MAN1A1: variants seen among roughly 807,000 people sequenced by gnomAD.
MAN1A1 encodes mannosyl-oligosaccharide 1,2-alpha-mannosidase IA.
Under a neutral mutation model 70.8 loss-of-function variants are expected in MAN1A1, and 29 were observed. The observed-to-expected ratio is 0.41, with a 90% CI of 0.31 to 0.56. The LOEUF is 0.56. Among genes scored for constraint, MAN1A1 ranks in the 20% least tolerant of loss-of-function variants. MAN1A1 has a pLI of 0.29. For synonymous variants in MAN1A1, 349 were observed against 330.1 expected, an observed-to-expected ratio of 1.06 and a Z score of -0.62; for missense variants, 747 against 841.3, an observed-to-expected ratio of 0.89 and a Z score of 1.39.
At chr6:119,290,869 C>T in intron 4 of MAN1A1, 106 bp from the exon 5 acceptor site, 1 of 706,038 alleles carries the variant, frequency 1.4e-6, no homozygotes, top group Non-Finnish European at 2.4e-6. Context: ...CTTATGCTTG[C>T]CCAGAGAAGT....
chr6:119,268,935 C>A (rs1775835865), intron 5 of MAN1A1, among the ~76,000 whole-genome samples: 1 of 152,052 alleles, frequency 6.6e-6, no homozygotes, highest in Non-Finnish European at 1.5e-5. Flanking sequence ...ACAAACTACG[C>A]CTGAACAATT....
rs1375106539 is a variant in MAN1A1, at chr6:119,178,034, AG to A, written c.*1784del. 1 of 152,106 alleles carries A rather than the reference AG, an allele frequency of 6.6e-6. No homozygotes were observed. Among genetic ancestry groups the A allele is most frequent in the African/African-American group, 2.4e-5 (1 of 41,456 alleles). 9.4% of individuals were successfully genotyped at this position (152,106 alleles called of 1,614,324 possible). A position where few individuals can be genotyped will look rare whatever the true frequency, so the allele number is the denominator to read the frequency against. The stretch of plus-strand genomic sequence containing the variant: ...TAGGTGAACTGAAGATATGAGTGGG[AG>A]AAGTTATTCTGGATCACAGACACAC... On this transcript the variant is annotated 3_prime_UTR_variant, in exon 13 of 13. Coordinates refer to ENST00000368468, the MANE Select transcript of MAN1A1 (RefSeq NM_005907.4).
chr6:119,188,411 G>C lies in MAN1A1; in HGVS notation c.1713C>G (p.Ala571=). The change falls in exon 11 of 13, where the codon GCC becomes GCG. Residue 571 remains alanine, a synonymous_variant. Transcript: ENST00000368468. ...ATGCAAATTAAAACATCACCTCTAC[G>C]GCTTCCCAGGCCCATTTCCTGTACT... is the stretch of plus-strand genomic sequence containing the variant. ...DPKYRKWAWE[A]VEALENHCRV... 1 of 1,603,654 alleles carries C rather than the reference G, an allele frequency of 6.2e-7. No individual in the cohort carries two copies. Among genetic ancestry groups the C allele is most frequent in the East Asian group, 2.2e-5 (1 of 44,706 alleles).
chr6:119,302,948 C>T (rs768965609), intron 3 of MAN1A1, among the ~76,000 whole-genome samples: 1 of 152,148 alleles, frequency 6.6e-6, no homozygotes, highest in Non-Finnish European at 1.5e-5. Flanking sequence ...GACATGGAGA[C>T]TTCCTGTTGC....
chr6:119,315,812 T>C (rs778648236), intron 2 of MAN1A1, among the ~76,000 whole-genome samples: 3 of 152,210 alleles, frequency 2.0e-5, no homozygotes, highest in Non-Finnish European at 4.4e-5. Context: ...GGGTCTACCA[T>C]TTGTAGTTAT....
At chr6:119,296,198 A>C (rs139985951) in intron 4 of MAN1A1, among the ~76,000 whole-genome samples, 1 of 152,284 alleles carries the variant, frequency 6.6e-6, no homozygotes, top group African/African-American at 2.4e-5. Flanking sequence ...CAACGTGACA[A>C]ATCTCTTAAG....
Position 119,349,136 on chromosome 6 carries a change from G to C in MAN1A1, c.-71C>G. On this transcript the variant is annotated 5_prime_UTR_variant, in exon 2 of 13. Coordinates refer to ENST00000368468, the MANE Select transcript of MAN1A1 (RefSeq NM_005907.4). ...AACTTCGCCGCCGCTGGGAGTCCGCGGCTGCGGGGCTGGGTCCTGCGTAGC... is the reference window on the plus strand; with the variant it reads ...AACTTCGCCGCCGCTGGGAGTCCGCCGCTGCGGGGCTGGGTCCTGCGTAGC... 8.0e-7 allele frequency: 1 copy of C among 1,256,220 alleles called. No homozygotes were observed. Among genetic ancestry groups the C allele is most frequent in the African/African-American group, 1.6e-5 (1 of 64,046 alleles). The allele number at this position is 1,256,220 out of a possible 1,614,324, so 77.8% of individuals were successfully genotyped here.
At chr6:119,269,182 C>A in intron 5 of MAN1A1, 1 of 212,444 alleles carries the variant, frequency 4.7e-6, no homozygotes, top group East Asian at 1.5e-4. Context: ...ATTGTTTTCT[C>A]CTCCACATTC....
intron 6 of MAN1A1, among the ~76,000 whole-genome samples, chr6:119,242,879 T>C (rs1474289603): frequency 1.3e-5 from 2 of 152,074 alleles, no homozygotes; most frequent in African/African-American, 4.8e-5. Context: ...AATCTTAAAG[T>C]ATTGTTGATT....
At chr6:119,201,445 GAGTT>G in intron 7 of MAN1A1, 98 bp from the exon 8 acceptor site, 1 of 764,108 alleles carries the variant, frequency 1.3e-6, no homozygotes, top group Non-Finnish European at 2.3e-6. Context: ...AAATGATGCA[GAGTT>G]AGAACAAAGA....
intron 3 of MAN1A1, among the ~76,000 whole-genome samples, chr6:119,305,203 A>G (rs1772495308): frequency 6.6e-6 from 1 of 152,190 alleles, no homozygotes; most frequent in South Asian, 2.1e-4. Flanking sequence ...GTCAGGCCTA[A>G]GAGACCTAGT....
intron 6 of MAN1A1, among the ~76,000 whole-genome samples, chr6:119,219,669 T>C (rs940729256): frequency 2.6e-5 from 4 of 151,906 alleles, no homozygotes; most frequent in East Asian, 1.9e-4. Context: ...GGAGATAGAA[T>C]TGTAACACAA....
intron 2 of MAN1A1, among the ~76,000 whole-genome samples, chr6:119,317,727 TAA>T (rs1772893680): frequency 6.6e-6 from 1 of 152,206 alleles, no homozygotes; most frequent in African/African-American, 2.4e-5. Flanking sequence ...TTGCACAGTA[TAA>T]GCATTTCCTT....
chr6:119,313,913 C>T (rs903472343), intron 2 of MAN1A1, among the ~76,000 whole-genome samples: 1 of 147,476 alleles, frequency 6.8e-6, no homozygotes, highest in Non-Finnish European at 1.5e-5. Flanking sequence ...AAACGAGAGT[C>T]AAGCCCCTCA....
At chr6:119,267,316 T>C (rs1477604038) in intron 5 of MAN1A1, among the ~76,000 whole-genome samples, 3 of 136,248 alleles carry the variant, frequency 2.2e-5, no homozygotes, top group Non-Finnish European at 3.2e-5. Context: ...ACATGTATTA[T>C]AGAATATTTA....
intron 6 of MAN1A1, among the ~76,000 whole-genome samples, chr6:119,234,900 C>G (rs565959991): frequency 2.5e-4 from 38 of 152,260 alleles, no homozygotes; most frequent in African/African-American, 8.9e-4. Flanking sequence ...CGTTGTGTCT[C>G]TGTCAAGTTT....
In MAN1A1 at chr6:119,186,027, G is replaced by A. The variant is rs6940750; in HGVS notation, c.1719+2378C>T. Among the ~76,000 whole-genome samples the A allele has an allele frequency of 5.6e-3, 857 of 152,198 alleles. 28 individuals carry two copies. In the East Asian group the frequency reaches 0.082, roughly 15 times the overall value. ...GAAATGATGGATGAGGAAAGGAAGA[G>A]ATGGCAGAACCTGCTGTCTTCGGAT... On this transcript the variant is annotated intron_variant, in intron 11 of 12. Transcript: ENST00000368468.
intron 4 of MAN1A1, among the ~76,000 whole-genome samples, chr6:119,296,640 C>T (rs1562230763): frequency 6.6e-6 from 1 of 152,022 alleles, no homozygotes; most frequent in Non-Finnish European, 1.5e-5. Flanking sequence ...TGACAGGGAA[C>T]CCTACAACTT....
intron 2 of MAN1A1, among the ~76,000 whole-genome samples, chr6:119,342,759 T>G (rs1221656559): frequency 6.6e-6 from 1 of 152,236 alleles, no homozygotes; most frequent in Non-Finnish European, 1.5e-5. Flanking sequence ...AATCATCCTT[T>G]AGGTTAGCTG....
Sources: gnomAD v4.1 joint callset for allele counts (sites outside exome capture counted in the v4.1 genomes callset) on GRCh38, gnomAD v4.1.1 for gene constraint, MANE v1.5 for transcripts, NCBI Gene and HGNC (gene_info 2026-07-23, HGNC 2026-07-21) for gene names.